Variants in RNF150 observed in about 807,000 individuals in gnomAD.
The protein encoded by RNF150 is ring finger protein 150.
RNF150 carries 24 observed loss-of-function variants against 39.3 expected under a neutral mutation model. The observed-to-expected ratio is 0.61, with a 90% CI of 0.44 to 0.86. The LOEUF (loss-of-function observed/expected upper bound fraction) is 0.86, where lower values mean the gene tolerates loss of function less well. Ranked by LOEUF, RNF150 falls within the 40% of genes least tolerant of loss-of-function variation. The pLI is 0.00. For missense variants in RNF150, 502 were observed against 587.8 expected (o/e 0.85, Z 1.51); for synonymous variants, 255 against 227.3 (o/e 1.12, Z -1.10).
chr4:140,908,578 TCTCCA>T (rs1394770711), intron 6 of RNF150, among the ~76,000 whole-genome samples: 1 of 152,114 alleles, frequency 6.6e-6, no homozygotes, highest in Non-Finnish European at 1.5e-5. Flanking sequence ...GAACAGAAGG[TCTCCA>T]CTTCAAGCTT....
chr4:141,176,125 T>C (rs1041302725), intron 1 of RNF150, among the ~76,000 whole-genome samples: 10 of 151,848 alleles, frequency 6.6e-5, no homozygotes, highest in African/African-American at 2.4e-4. Context: ...GTTGAACTCC[T>C]GGACTCAAGT....
Position 140,967,891 on chromosome 4 carries a change from G to A in RNF150, c.485-18C>T. On this transcript the variant is annotated intron_variant, in intron 1 of 6. Transcript: ENST00000515673. ...TTCTACACCTGTGGTAAGAGGGGAAGGAAGGGGCAATAAAGGTTAGGGGAT... is the reference window on the plus strand; with the variant it reads ...TTCTACACCTGTGGTAAGAGGGGAAAGAAGGGGCAATAAAGGTTAGGGGAT... 6.2e-7 allele frequency: 1 copy of A among 1,610,814 alleles called. No individual in the cohort carries two copies. Among genetic ancestry groups the A allele is most frequent in the Non-Finnish European group, 8.5e-7 (1 of 1,177,506 alleles).
At chr4:141,181,694 C>T (rs924586982) in intron 1 of RNF150, among the ~76,000 whole-genome samples, 2 of 152,100 alleles carry the variant, frequency 1.3e-5, no homozygotes, top group Admixed American at 6.6e-5. Flanking sequence ...GAAGACTGTG[C>T]TCAATTAAAC....
At chr4:141,124,294 G>A (rs1406904481) in intron 1 of RNF150, among the ~76,000 whole-genome samples, 1 of 152,234 alleles carries the variant, frequency 6.6e-6, no homozygotes, top group African/African-American at 2.4e-5. Context: ...GGTGGGAGAA[G>A]ACAATAAACA....
At chr4:141,020,526 T>A (rs1735453328) in intron 1 of RNF150, among the ~76,000 whole-genome samples, 1 of 152,172 alleles carries the variant, frequency 6.6e-6, no homozygotes, top group African/African-American at 2.4e-5. Flanking sequence ...TCCTAAGTGT[T>A]CTGGCTCTAG....
chr4:140,996,576 C>T (rs1243791001), intron 1 of RNF150, among the ~76,000 whole-genome samples: 1 of 152,170 alleles, frequency 6.6e-6, no homozygotes, highest in Non-Finnish European at 1.5e-5. Context: ...CTGGCTACTT[C>T]AAAGGGTTGA....
At chr4:141,130,766 T>C (rs1419533913) in intron 1 of RNF150, among the ~76,000 whole-genome samples, 1 of 149,774 alleles carries the variant, frequency 6.7e-6, no homozygotes, top group Non-Finnish European at 1.5e-5. Context: ...AGTAACATGT[T>C]TATCTAAAGA....
intron 1 of RNF150, among the ~76,000 whole-genome samples, chr4:140,985,136 C>G (rs576914642): frequency 3.3e-5 from 5 of 152,126 alleles, no homozygotes; most frequent in Non-Finnish European, 7.4e-5. Flanking sequence ...CTTAGTGACA[C>G]TACACTGCCT....
chr4:140,942,647 G>A (rs1732134457), intron 4 of RNF150, among the ~76,000 whole-genome samples: 1 of 152,146 alleles, frequency 6.6e-6, no homozygotes, highest in Admixed American at 6.5e-5. Context: ...AAGTGTTTTC[G>A]AATTTCTTTC....
chr4:141,207,877 G>C (rs774095720), intron 1 of RNF150, among the ~76,000 whole-genome samples: 3 of 152,138 alleles, frequency 2.0e-5, no homozygotes, highest in Non-Finnish European at 4.4e-5. Flanking sequence ...TTTATCAGGA[G>C]GGTTTAGTCA....
At chr4:141,085,163 G>C (rs758994479) in intron 1 of RNF150, among the ~76,000 whole-genome samples, 93 of 152,200 alleles carry the variant, frequency 6.1e-4, no homozygotes, top group Non-Finnish European at 1.3e-3. Flanking sequence ...AGGAGCAAAG[G>C]CATGTCTTAC....
rs761123994 is a variant in RNF150, at chr4:141,132,359, G to A, written c.450C>T (p.Ser150=). 6.9e-6 allele frequency: 11 copies of A among 1,593,688 alleles called. No homozygotes were observed. Among genetic ancestry groups the A allele is most frequent in the Non-Finnish European group, 9.4e-6 (11 of 1,170,528 alleles). The change falls in exon 1 of 7, where the codon TCC becomes TCT. Residue 150 remains serine (S), a synonymous_variant. Transcript: ENST00000515673. This position sits in a 1 kb window ranked among gnomAD's most constrained non-coding sequence, Gnocchi z 4.9. ...GCATGGTGATGGTCTCGTTGGTGTT[G>A]GAGCCCACGTTGAAGATGACCACGG... ...ASAVVIFNVG[S]NTNETITMPH...
At chr4:140,925,303 A>C (rs1731347034) in intron 5 of RNF150, among the ~76,000 whole-genome samples, 3 of 152,210 alleles carry the variant, frequency 2.0e-5, no homozygotes, top group Non-Finnish European at 4.4e-5. Context: ...AGTTCTGGGA[A>C]AGTCTCCCTG....
chr4:141,130,900 A>G (rs1726877263), intron 1 of RNF150, among the ~76,000 whole-genome samples: 1 of 152,248 alleles, frequency 6.6e-6, no homozygotes. Flanking sequence ...GTCGAGCTCA[A>G]GAAAATATAT....
chr4:141,037,969 T>C (rs1032364263), intron 1 of RNF150, among the ~76,000 whole-genome samples: 2 of 152,172 alleles, frequency 1.3e-5, no homozygotes, highest in Non-Finnish European at 2.9e-5. Context: ...TTAAAATATA[T>C]ATGATTGTTT....
At chr4:141,011,148 A>ATT (rs1293370347) in intron 1 of RNF150, among the ~76,000 whole-genome samples, 7 of 152,110 alleles carry the variant, frequency 4.6e-5, no homozygotes, top group Non-Finnish European at 8.8e-5. Context: ...TAATACTGAT[A>ATT]TATAAATAGT....
At chr4:141,138,047 A>C (rs1727053704), upstream of RNF150, among the ~76,000 whole-genome samples, 1 of 152,184 alleles carries the variant, frequency 6.6e-6, no homozygotes. Flanking sequence ...CATTTCTCTG[A>C]GTGTCAGCAA....
chr4:140,892,543 CTT>C (rs2111229673), intron 6 of RNF150, among the ~76,000 whole-genome samples: 1 of 152,326 alleles, frequency 6.6e-6, no homozygotes, highest in African/African-American at 2.4e-5. Context: ...TTGAAAAAGA[CTT>C]TTGTTAAAAA....
At chr4:140,992,484 T>C (rs1368643985) in intron 1 of RNF150, among the ~76,000 whole-genome samples, 1 of 152,148 alleles carries the variant, frequency 6.6e-6, no homozygotes, top group Non-Finnish European at 1.5e-5. Context: ...TGGGGCAGGC[T>C]TGGGAGACAT....
Sources: allele counts gnomAD v4.1 joint callset (sites outside exome capture counted in the v4.1 genomes callset), GRCh38; gene constraint gnomAD v4.1.1; non-coding constraint Gnocchi (gnomAD v3.1); transcripts MANE v1.5; gene names NCBI Gene and HGNC (gene_info 2026-07-23, HGNC 2026-07-21).